The following RBFOX1 variants were observed in gnomAD, a reference collection of about 807,000 sequenced individuals.
RBFOX1 encodes RNA binding fox-1 homolog 1.
A neutral mutation model predicts 57.7 loss-of-function variants in RBFOX1; 8 were observed. The observed-to-expected ratio is 0.14, with a 90% CI of 0.08 to 0.25. The LOEUF is 0.25. RBFOX1 is among the 10% of genes least tolerant of loss of function. The pLI is 1.00. For synonymous variants in RBFOX1, 326 were observed against 222.4 expected (o/e 1.47, Z -4.15); for missense variants, 611 against 548.5 (o/e 1.11, Z -1.14).
intron 4 of RBFOX1, among the ~76,000 whole-genome samples, chr16:7,448,927 G>GTTT (rs71147700): frequency 0.03 from 2,462 of 82,854 alleles, 275 homozygotes; most frequent in African/African-American, 0.11. Context: ...TCTTTCCCCT[G>GTTT]TTTTTTTTTT....
intron 3 of RBFOX1, among the ~76,000 whole-genome samples, chr16:6,943,973 C>T (rs568854760): frequency 6.6e-6 from 1 of 152,206 alleles, no homozygotes; most frequent in African/African-American, 2.4e-5. Flanking sequence ...CTGGGGGCTG[C>T]CCAACTCACG....
chr16:7,308,573 T>A (rs1419817333), intron 4 of RBFOX1, among the ~76,000 whole-genome samples: 2 of 152,234 alleles, frequency 1.3e-5, no homozygotes, highest in African/African-American at 2.4e-5. Flanking sequence ...CACTTAATGA[T>A]GATCCATGTG....
At chr16:6,731,695 C>A (rs149240315) in intron 3 of RBFOX1, among the ~76,000 whole-genome samples, 2,350 of 152,154 alleles carry the variant, frequency 0.015, 73 homozygotes, top group African/African-American at 0.053. Context: ...TGAAAGTTTT[C>A]CCACATGACT....
intron 4 of RBFOX1, among the ~76,000 whole-genome samples, chr16:7,510,511 GGGC>G (rs2074767446): frequency 6.7e-6 from 1 of 149,902 alleles, no homozygotes; most frequent in Non-Finnish European, 1.5e-5. Context: ...GTGTGTGTGT[GGGC>G]GCGCGCGCAC....
intron 2 of RBFOX1, among the ~76,000 whole-genome samples, chr16:6,458,683 C>A (rs2153059145): frequency 6.6e-6 from 1 of 152,278 alleles, no homozygotes; most frequent in Middle Eastern, 3.4e-3. Context: ...ACAGGGAAAA[C>A]AAGGTAAAGT....
At chr16:7,065,381 C>G (rs1029999028) in intron 4 of RBFOX1, among the ~76,000 whole-genome samples, 2 of 152,148 alleles carry the variant, frequency 1.3e-5, no homozygotes, top group African/African-American at 4.8e-5. Flanking sequence ...CACCTGCCCA[C>G]TCGTGTTCAG....
At chr16:6,107,622 T>A (rs2096397092) in intron 1 of RBFOX1, among the ~76,000 whole-genome samples, 1 of 151,704 alleles carries the variant, frequency 6.6e-6, no homozygotes, top group South Asian at 2.1e-4. Flanking sequence ...GATACATAGA[T>A]GAATGGGTGA....
Position 6,867,152 on chromosome 16 carries a change from G to A in RBFOX1, c.-15-184905G>A, listed in dbSNP as rs551711009. Among the ~76,000 whole-genome samples, 14 of 152,254 alleles carry A rather than the reference G, an allele frequency of 9.2e-5. No homozygotes were observed. The South Asian group carries it at 2.9e-3, about 32-fold the overall frequency. ...AGGTTTTAGCTTGGAGATGTACTAA[G>A]TGCAGAAGTTTTGTGAGTTTTCTTC... On this transcript the variant is annotated intron_variant, in intron 3 of 15. Coordinates refer to ENST00000550418, the MANE Select transcript of RBFOX1 (RefSeq NM_018723.4).
intron 3 of RBFOX1, among the ~76,000 whole-genome samples, chr16:6,911,316 T>C (rs1429276135): frequency 6.6e-6 from 1 of 152,082 alleles, no homozygotes; most frequent in Non-Finnish European, 1.5e-5. Flanking sequence ...AGAAATGTTT[T>C]GCCTTACACT....
At chr16:5,413,146 C>A (rs555230765) in intron 1 of RBFOX1, among the ~76,000 whole-genome samples, 241 of 152,256 alleles carry the variant, frequency 1.6e-3, no homozygotes, top group Non-Finnish European at 3.0e-3. Context: ...CCTCAGGAGT[C>A]CTGAGTGCAG....
At chr16:5,907,112 G>A (rs562034341) in intron 4 of RBFOX1, among the ~76,000 whole-genome samples, 3 of 152,244 alleles carry the variant, frequency 2.0e-5, no homozygotes, top group Non-Finnish European at 2.9e-5. Context: ...AGGGGTGTAC[G>A]CATTTGGTGG....
intron 1 of RBFOX1, among the ~76,000 whole-genome samples, chr16:6,210,360 C>A (rs145638427): frequency 0.37 from 9,763 of 26,110 alleles, 1,076 homozygotes; most frequent in Middle Eastern, 0.53. Context: ...AAAAAAAACA[C>A]CAAAAAAAAA....
intron 4 of RBFOX1, among the ~76,000 whole-genome samples, chr16:7,271,277 G>T (rs2095312019): frequency 6.6e-6 from 1 of 151,606 alleles, no homozygotes. Context: ...TTGTATGTGA[G>T]AACATTCACA....
intron 2 of RBFOX1, among the ~76,000 whole-genome samples, chr16:6,522,927 G>A (rs1220306451): frequency 6.6e-6 from 1 of 152,124 alleles, no homozygotes; most frequent in Admixed American, 6.5e-5. Flanking sequence ...CGGGGACTTC[G>A]CTTTACTCCT....
chr16:6,975,104 G>A (rs2086523925), intron 3 of RBFOX1, among the ~76,000 whole-genome samples: 2 of 152,092 alleles, frequency 1.3e-5, no homozygotes, highest in South Asian at 2.1e-4. Flanking sequence ...CAACACCTCA[G>A]GAGTCAGAGA....
At chr16:6,543,863 G>C (rs935586314) in intron 2 of RBFOX1, among the ~76,000 whole-genome samples, 8 of 152,210 alleles carry the variant, frequency 5.3e-5, no homozygotes, top group Admixed American at 3.3e-4. Context: ...AAAACCAAAA[G>C]AAGAAGAAGG....
At chr16:5,910,326 A>G (rs1317721303) in intron 4 of RBFOX1, among the ~76,000 whole-genome samples, 1 of 152,138 alleles carries the variant, frequency 6.6e-6, no homozygotes, top group Non-Finnish European at 1.5e-5. Flanking sequence ...CCCTGCCTCC[A>G]TAGCACCCCA....
intron 5 of RBFOX1, among the ~76,000 whole-genome samples, chr16:7,550,503 C>T (rs2086022384): frequency 6.6e-6 from 1 of 152,066 alleles, no homozygotes; most frequent in South Asian, 2.1e-4. Flanking sequence ...GGCACTGTAT[C>T]AATAAAACGA....
intron 3 of RBFOX1, among the ~76,000 whole-genome samples, chr16:6,873,545 T>TA (rs999159792): frequency 3.9e-5 from 6 of 152,004 alleles, no homozygotes; most frequent in Non-Finnish European, 5.9e-5. Context: ...ATTTTCAGCT[T>TA]AAAAAAAAGA....
Sources: gnomAD v4.1 joint callset for allele counts (sites outside exome capture counted in the v4.1 genomes callset) on GRCh38, gnomAD v4.1.1 for gene constraint, MANE v1.5 for transcripts, NCBI Gene and HGNC (gene_info 2026-07-23, HGNC 2026-07-21) for gene names.